ZNF385B: variants seen among roughly 807,000 people sequenced by gnomAD.
ZNF385B encodes zinc finger protein 533.
Under a neutral mutation model 39.2 loss-of-function variants are expected in ZNF385B, and 23 were observed. The ratio of observed to expected loss-of-function variants is 0.59; its 90% CI spans 0.42 to 0.83. ZNF385B has a LOEUF of 0.83. Among genes scored for constraint, ZNF385B ranks in the 40% least tolerant of loss-of-function variants. The pLI is 0.00. For missense variants in ZNF385B, 552 were observed against 598.9 expected (o/e 0.92, Z 0.82); for synonymous variants, 205 against 222.6 (o/e 0.92, Z 0.70).
At chr2:179,599,336 T>C (rs1688236013) in intron 3 of ZNF385B, among the ~76,000 whole-genome samples, 2 of 152,096 alleles carry the variant, frequency 1.3e-5, no homozygotes, top group African/African-American at 4.8e-5. Flanking sequence ...TTTGTGTAGA[T>C]GGGAAGTATT....
chr2:179,638,597 T>C (rs1691974109), intron 3 of ZNF385B, among the ~76,000 whole-genome samples: 1 of 152,154 alleles, frequency 6.6e-6, no homozygotes, highest in South Asian at 2.1e-4. Context: ...AGCAACACTA[T>C]ACCATATGGC....
chr2:179,737,402 T>C (rs970615745), intron 3 of ZNF385B, among the ~76,000 whole-genome samples: 7 of 152,188 alleles, frequency 4.6e-5, no homozygotes, highest in African/African-American at 4.8e-5. Flanking sequence ...TCCCTTTTTT[T>C]TTCCTGCCCA....
In ZNF385B at chr2:179,727,162, G is replaced by A. The variant is rs938691628; in HGVS notation, c.298+42341C>T. 4.6e-5 allele frequency among the ~76,000 whole-genome samples: 7 copies of A among 151,988 alleles called. No homozygotes were observed. The East Asian group carries it at 1.3e-3, about 29-fold the overall frequency. On this transcript the variant is annotated intron_variant, in intron 3 of 9. Transcript: ENST00000410066. ...AGCTGCCTTTAAAGATGAGTTGAAT[G>A]AATCAGAAGCAAGGTATTTTATCTG...
At chr2:179,554,022 T>C (rs2060745626) in intron 3 of ZNF385B, among the ~76,000 whole-genome samples, 1 of 149,148 alleles carries the variant, frequency 6.7e-6, no homozygotes, top group Admixed American at 6.7e-5. Flanking sequence ...ATACCTCCAC[T>C]GTCTTTTCTA....
At chr2:179,585,490 T>C (rs996962363) in intron 3 of ZNF385B, among the ~76,000 whole-genome samples, 1 of 152,230 alleles carries the variant, frequency 6.6e-6, no homozygotes, top group Non-Finnish European at 1.5e-5. Flanking sequence ...TTCTGCACTA[T>C]GATTATAGGG....
At chr2:179,816,328 T>A (rs557345242) in intron 1 of ZNF385B, among the ~76,000 whole-genome samples, 7 of 152,282 alleles carry the variant, frequency 4.6e-5, no homozygotes, top group African/African-American at 1.7e-4. Context: ...GCCACAGTCA[T>A]TTCTCCTCTG....
At chr2:179,634,529 T>A (rs1691553620) in intron 3 of ZNF385B, among the ~76,000 whole-genome samples, 1 of 152,062 alleles carries the variant, frequency 6.6e-6, no homozygotes, top group Admixed American at 6.5e-5. Context: ...GTTAGAATAG[T>A]AATCATTAAA....
chr2:179,562,561 C>T, intron 3 of ZNF385B: 1 of 985,390 alleles, frequency 1.0e-6, no homozygotes, highest in Non-Finnish European at 1.2e-6. Flanking sequence ...ATCATACGTC[C>T]TGTAATTGCC....
intron 1 of ZNF385B, among the ~76,000 whole-genome samples, chr2:179,807,909 AG>A (rs1706472361): frequency 6.6e-6 from 1 of 150,586 alleles, no homozygotes; most frequent in African/African-American, 2.5e-5. Context: ...AAAGAAAGAA[AG>A]AAAGAAAGAA....
chr2:179,831,638 C>A (rs1176339448), intron 1 of ZNF385B, among the ~76,000 whole-genome samples: 2 of 152,118 alleles, frequency 1.3e-5, no homozygotes, highest in Non-Finnish European at 2.9e-5. Flanking sequence ...AACCTCCTTG[C>A]AAGCAGATAC....
intron 6 of ZNF385B, among the ~76,000 whole-genome samples, chr2:179,469,680 A>C (rs2052515779): frequency 1.3e-5 from 2 of 152,112 alleles, no homozygotes; most frequent in Non-Finnish European, 2.9e-5. Flanking sequence ...TAATACAGAG[A>C]AGGTTAAAGG....
At chr2:179,784,784 G>T (rs1036563308) in intron 1 of ZNF385B, among the ~76,000 whole-genome samples, 5 of 152,092 alleles carry the variant, frequency 3.3e-5, no homozygotes, top group Non-Finnish European at 7.4e-5. Context: ...AAAAATGACA[G>T]AAAATATGTG....
chr2:179,514,397 A>T (rs13384060), intron 5 of ZNF385B, among the ~76,000 whole-genome samples: 2,573 of 152,308 alleles, frequency 0.017, 67 homozygotes, highest in African/African-American at 0.059. Context: ...AGGTCAGAAT[A>T]TTAGCTCCCT....
chr2:179,648,477 C>T (rs1255834503), intron 3 of ZNF385B, among the ~76,000 whole-genome samples: 2 of 152,196 alleles, frequency 1.3e-5, no homozygotes, highest in Middle Eastern at 3.4e-3. Flanking sequence ...CACATGTGCA[C>T]ATGTTTGTGT....
rs184963754 is a variant in ZNF385B at position 179,509,663 on chromosome 2, T to G, written c.552+8865A>C. On this transcript the variant is annotated intron_variant, in intron 5 of 9. Coordinates refer to ENST00000410066, the MANE Select transcript of ZNF385B (RefSeq NM_152520.6). The stretch of plus-strand genomic sequence containing the variant: ...TATTTATGGCAAAAATGTAAAATGT[T>G]TGACAAAAGCAGGTTATCATTTTCT... Among the ~76,000 whole-genome samples the G allele has an allele frequency of 1.1e-4, 16 of 152,324 alleles. No individual in the cohort carries two copies. The East Asian group carries it at 2.7e-3, about 26-fold the overall frequency.
chr2:179,625,576 C>T (rs904960403), intron 3 of ZNF385B, among the ~76,000 whole-genome samples: 1 of 151,934 alleles, frequency 6.6e-6, no homozygotes, highest in African/African-American at 2.4e-5. Flanking sequence ...TAGCCATTTT[C>T]ACTATTAACA....
intron 3 of ZNF385B, among the ~76,000 whole-genome samples, chr2:179,582,657 T>C (rs1171283260): frequency 6.6e-6 from 1 of 152,128 alleles, no homozygotes; most frequent in African/African-American, 2.4e-5. Flanking sequence ...CCTACAAAAA[T>C]TAACAAGTTT....
chr2:179,444,507 T>C (rs2049271845), intron 9 of ZNF385B, among the ~76,000 whole-genome samples: 1 of 152,176 alleles, frequency 6.6e-6, no homozygotes, highest in South Asian at 2.1e-4. Context: ...CATGAGGATA[T>C]TAAATTAAAT....
chr2:179,821,273 G>A (rs1707378207), intron 1 of ZNF385B, among the ~76,000 whole-genome samples: 1 of 152,140 alleles, frequency 6.6e-6, no homozygotes, highest in African/African-American at 2.4e-5. Flanking sequence ...TTTGGGGGCA[G>A]TTGAAAAGAT....
Sources: allele counts gnomAD v4.1 joint callset (sites outside exome capture counted in the v4.1 genomes callset), GRCh38; gene constraint gnomAD v4.1.1; transcripts MANE v1.5; gene names NCBI Gene and HGNC (gene_info 2026-07-23, HGNC 2026-07-21).